The following RASAL2 variants were observed in gnomAD, a reference collection of about 807,000 sequenced individuals.
RASAL2 encodes the protein ras GTPase-activating protein nGAP.
A neutral mutation model predicts 128.9 loss-of-function variants in RASAL2; 58 were observed. That is an observed-to-expected ratio of 0.45 (90% CI 0.36 to 0.56). The LOEUF is 0.56. Among genes scored for constraint, RASAL2 ranks in the 20% least tolerant of loss-of-function variants. The pLI, the probability that RASAL2 is intolerant of heterozygous loss-of-function variation, is 0.00. For missense variants in RASAL2, 1,360 were observed against 1,601.6 expected, an observed-to-expected ratio of 0.85 and a Z score of 2.57; for synonymous variants, 561 against 580.8, an observed-to-expected ratio of 0.97 and a Z score of 0.49.
intron 3 of RASAL2, among the ~76,000 whole-genome samples, chr1:178,356,342 C>T (rs1331512220): frequency 1.3e-5 from 2 of 151,980 alleles, no homozygotes; most frequent in African/African-American, 4.8e-5. Flanking sequence ...TTAGCATTAT[C>T]TAATAAAATT....
chr1:178,298,371 C>CAA (rs1338017407), intron 2 of RASAL2, among the ~76,000 whole-genome samples: 1 of 152,050 alleles, frequency 6.6e-6, no homozygotes, highest in Non-Finnish European at 1.5e-5. Context: ...TCTCAATGTG[C>CAA]AAAGAGTAAC....
chr1:178,234,695 A>G (rs1000816612), intron 1 of RASAL2, among the ~76,000 whole-genome samples: 5 of 152,132 alleles, frequency 3.3e-5, no homozygotes, highest in South Asian at 2.1e-4. Flanking sequence ...GCTTGGTAGT[A>G]TCTTCATGAC....
chr1:178,164,555 A>T (rs1661452176), intron 1 of RASAL2, among the ~76,000 whole-genome samples: 1 of 141,064 alleles, frequency 7.1e-6, no homozygotes, highest in African/African-American at 2.7e-5. Context: ...CCTTGCTCTA[A>T]ATGGTTTCCT....
intron 3 of RASAL2, among the ~76,000 whole-genome samples, chr1:178,369,282 C>T (rs910800141): frequency 1.3e-5 from 2 of 151,964 alleles, no homozygotes; most frequent in African/African-American, 2.4e-5. Context: ...AGTGCAGTGG[C>T]GCGATCTCGG....
intron 1 of RASAL2, among the ~76,000 whole-genome samples, chr1:178,204,068 C>G (rs923459874): frequency 8.5e-5 from 13 of 152,220 alleles, no homozygotes; most frequent in African/African-American, 3.1e-4. Flanking sequence ...TGGCCAGTTG[C>G]AGAAATGAGG....
chr1:178,179,992 G>A (rs974550625), intron 1 of RASAL2, among the ~76,000 whole-genome samples: 1 of 152,150 alleles, frequency 6.6e-6, no homozygotes, highest in Non-Finnish European at 1.5e-5. Flanking sequence ...GGGAGAGGAA[G>A]CTAGTTCCAG....
intron 3 of RASAL2, among the ~76,000 whole-genome samples, chr1:178,344,173 T>C (rs981749452): frequency 6.6e-6 from 1 of 152,164 alleles, no homozygotes; most frequent in African/African-American, 2.4e-5. Context: ...ATATTGTTTA[T>C]ATATTAAATT....
In RASAL2 at chr1:178,184,806, C is replaced by G. The variant is rs1662232364; in HGVS notation, c.202+90112C>G. Among the ~76,000 whole-genome samples, 3 of 151,930 alleles carry G rather than the reference C, an allele frequency of 2.0e-5. No individual in the cohort carries two copies. In the South Asian group the frequency reaches 6.2e-4, roughly 32 times the overall value. On this transcript the variant is annotated intron_variant, in intron 1 of 17. Transcript: ENST00000367649. ...TTGTGTTGGTTATTCTAGGTCTTTT[C>G]CTATTTCATATAAACTTTAGGGATA... is the stretch of plus-strand genomic sequence containing the variant.
At chr1:178,203,329 G>A (rs1182786493) in intron 1 of RASAL2, among the ~76,000 whole-genome samples, 1 of 152,222 alleles carries the variant, frequency 6.6e-6, no homozygotes, top group African/African-American at 2.4e-5. Context: ...GAAGCAGCTG[G>A]ATTGATAGAA....
At chr1:178,404,684 A>AT (rs61625303) in intron 4 of RASAL2, among the ~76,000 whole-genome samples, 212 of 110,304 alleles carry the variant, frequency 1.9e-3, no homozygotes, top group Middle Eastern at 0.011. Flanking sequence ...TGGCCCCCCA[A>AT]TTTTTTTTTT....
intron 1 of RASAL2, among the ~76,000 whole-genome samples, chr1:178,114,305 T>G (rs186973092): frequency 2.8e-4 from 43 of 152,296 alleles, no homozygotes; most frequent in African/African-American, 1.0e-3. Flanking sequence ...AAGTATGATG[T>G]TAGCCTTAGG....
chr1:178,094,890 T>C (rs183328167), intron 1 of RASAL2, among the ~76,000 whole-genome samples, 196 bp downstream of exon 1: 66 of 152,272 alleles, frequency 4.3e-4, no homozygotes, highest in African/African-American at 1.5e-3. Context: ...CTCAGTATGG[T>C]CTTTGGACCT....
At chr1:178,258,675 T>C (rs1315534390) in intron 1 of RASAL2, among the ~76,000 whole-genome samples, 2 of 152,240 alleles carry the variant, frequency 1.3e-5, no homozygotes, top group African/African-American at 4.8e-5. Flanking sequence ...TAAAATCGTG[T>C]AGCTGCTTTG....
intron 5 of RASAL2, among the ~76,000 whole-genome samples, chr1:178,422,330 A>C (rs935770639): frequency 1.8e-4 from 28 of 151,996 alleles, no homozygotes; most frequent in Non-Finnish European, 3.5e-4. Context: ...CAGTGATTGA[A>C]ATGTATTATT....
At chr1:178,232,806 C>A (rs1309297069) in intron 1 of RASAL2, among the ~76,000 whole-genome samples, 1 of 152,040 alleles carries the variant, frequency 6.6e-6, no homozygotes, top group East Asian at 1.9e-4. Flanking sequence ...TTTTTTTCTT[C>A]TTCTGGAAAG....
chr1:178,160,506 G>C (rs1661243863), intron 1 of RASAL2, among the ~76,000 whole-genome samples: 1 of 152,112 alleles, frequency 6.6e-6, no homozygotes, highest in Admixed American at 6.6e-5. Flanking sequence ...GTGGTGGCAG[G>C]TGTCTGTAAT....
intron 3 of RASAL2, among the ~76,000 whole-genome samples, chr1:178,332,661 GAGTGCGGTGGCGCGATCTTGGCTCACTGC>G (rs1269645475): frequency 6.7e-6 from 1 of 149,698 alleles, no homozygotes; most frequent in African/African-American, 2.5e-5. Context: ...GCCCAGGCTG[GAGTGCGGTGGCGCGATCTTGGCTCACTGC>G]AAGCTCCACC....
intron 3 of RASAL2, among the ~76,000 whole-genome samples, chr1:178,365,760 AC>A (rs1671367316): frequency 2.0e-5 from 3 of 152,178 alleles, no homozygotes. Context: ...GGCATGAGCC[AC>A]CATGCCAACC....
chr1:178,138,828 A>G (rs1423367531), intron 1 of RASAL2, among the ~76,000 whole-genome samples: 1 of 152,098 alleles, frequency 6.6e-6, no homozygotes, highest in East Asian at 1.9e-4. Flanking sequence ...AAATCAATTT[A>G]TATATATAAG....
Sources: allele counts gnomAD v4.1 joint callset (sites outside exome capture counted in the v4.1 genomes callset), GRCh38; gene constraint gnomAD v4.1.1; transcripts MANE v1.5; gene names NCBI Gene and HGNC (gene_info 2026-07-23, HGNC 2026-07-21).